Variants in EVA1A observed in about 807,000 individuals in gnomAD.
EVA1A encodes eva-1 homolog A, regulator of programmed cell death.
Under a neutral mutation model 9.8 loss-of-function variants are expected in EVA1A, and 7 were observed. That is an observed-to-expected ratio of 0.71 (90% CI 0.41 to 1.34). EVA1A has a LOEUF of 1.34. Among genes scored for constraint, EVA1A ranks in the 40% most tolerant of loss-of-function variants. The probability of loss-of-function intolerance (pLI) is 0.01; values close to 1 mark genes in which losing one functional copy is unlikely to be tolerated. For synonymous variants in EVA1A, 90 were observed against 85.6 expected, an observed-to-expected ratio of 1.05 and a Z score of -0.28; for missense variants, 206 against 205.9, an observed-to-expected ratio of 1.00 and a Z score of 0.00.
At chr2:75,501,438 C>T (rs115001605) in intron 3 of EVA1A, among the ~76,000 whole-genome samples, 2,420 of 152,212 alleles carry the variant, frequency 0.016, 61 homozygotes, top group African/African-American at 0.056. Context: ...TGTGGAAATT[C>T]TCCCCTTAGG....
At chr2:75,522,158 A>T (rs1295207847) in intron 2 of EVA1A, among the ~76,000 whole-genome samples, 1 of 152,242 alleles carries the variant, frequency 6.6e-6, no homozygotes, top group African/African-American at 2.4e-5. Context: ...AAAATTTAAT[A>T]AAAAATTCAT....
At chr2:75,535,954 A>G (rs1337062476) in intron 1 of EVA1A, among the ~76,000 whole-genome samples, 6 of 152,212 alleles carry the variant, frequency 3.9e-5, no homozygotes, top group Admixed American at 3.9e-4. Flanking sequence ...AAAAAAAACC[A>G]TGTCCCAACT....
chr2:75,519,151 G>A (rs1318391941), intron 2 of EVA1A, among the ~76,000 whole-genome samples: 1 of 152,208 alleles, frequency 6.6e-6, no homozygotes, highest in Non-Finnish European at 1.5e-5. Flanking sequence ...CTCAGCAAAG[G>A]CTTTACAGAG....
chr2:75,533,851 G>T (rs941496893), intron 1 of EVA1A, among the ~76,000 whole-genome samples: 1 of 151,004 alleles, frequency 6.6e-6, no homozygotes, highest in African/African-American at 2.4e-5. Context: ...TTGCTCTGTT[G>T]CCCAGGCTGG....
intron 1 of EVA1A, among the ~76,000 whole-genome samples, chr2:75,555,301 A>ATATCTCTCTCTCTC (rs1553421942): frequency 3.5e-5 from 2 of 57,154 alleles, no homozygotes; most frequent in East Asian, 4.7e-4. Flanking sequence ...TCAAAACTCA[A>ATATCTCTCTCTCTC]TCTCTCTCTC....
At chr2:75,523,245 G>A (rs1201891872) in intron 1 of EVA1A, among the ~76,000 whole-genome samples, 2 of 152,158 alleles carry the variant, frequency 1.3e-5, no homozygotes, top group Admixed American at 6.5e-5. Flanking sequence ...ACTATCCTAC[G>A]TTAATTTTAC....
intron 1 of EVA1A, among the ~76,000 whole-genome samples, chr2:75,528,572 T>A (rs1675535105): frequency 6.6e-6 from 1 of 152,178 alleles, no homozygotes. Context: ...ATAACTCCAT[T>A]GGCCTGAGAA....
At chr2:75,494,146 A>G (rs2103761622) in intron 3 of EVA1A, among the ~76,000 whole-genome samples, 1 of 152,056 alleles carries the variant, frequency 6.6e-6, no homozygotes, top group Non-Finnish European at 1.5e-5. Flanking sequence ...TGACCCTTGG[A>G]CAACATGGGT....
At chr2:75,510,363 C>A (rs542627023) in intron 3 of EVA1A, among the ~76,000 whole-genome samples, 28 of 152,176 alleles carry the variant, frequency 1.8e-4, no homozygotes, top group Non-Finnish European at 4.1e-4. Context: ...ATGCCTTGGG[C>A]ATAGCTTAAA....
chr2:75,512,157 A>C (rs1674842121), intron 3 of EVA1A, among the ~76,000 whole-genome samples: 2 of 152,234 alleles, frequency 1.3e-5, no homozygotes, highest in African/African-American at 4.8e-5. Flanking sequence ...CAAATCATTA[A>C]ATTAAAATGA....
intron 1 of EVA1A, among the ~76,000 whole-genome samples, chr2:75,553,548 G>C (rs1268248035): frequency 6.6e-6 from 1 of 152,210 alleles, no homozygotes; most frequent in South Asian, 2.1e-4. Flanking sequence ...CTGGAACTGT[G>C]CCTGGCACAT....
chr2:75,495,434 A>T (rs138739140), intron 3 of EVA1A, among the ~76,000 whole-genome samples: 7 of 152,288 alleles, frequency 4.6e-5, no homozygotes, highest in African/African-American at 1.7e-4. Flanking sequence ...TCTCCCTTAT[A>T]TGGCAAGTCA....
chr2:75,524,839 G>T (rs890299622), intron 1 of EVA1A, among the ~76,000 whole-genome samples: 1 of 152,110 alleles, frequency 6.6e-6, no homozygotes, highest in Admixed American at 6.5e-5. Flanking sequence ...ATTAATGAAT[G>T]ATTCTTCTTT....
intron 1 of EVA1A, among the ~76,000 whole-genome samples, chr2:75,557,751 T>A (rs917735358): frequency 6.6e-6 from 1 of 152,228 alleles, no homozygotes; most frequent in Non-Finnish European, 1.5e-5. Context: ...TCAAGATCAG[T>A]GGTGCTAGGA....
rs566257612 is a variant in EVA1A at position 75,529,351 on chromosome 2, G to A, written c.-191-6864C>T. 7.2e-5 allele frequency among the ~76,000 whole-genome samples: 11 copies of A among 152,274 alleles called. No homozygotes were observed. In the South Asian group the frequency reaches 1.2e-3, roughly 17 times the overall value. ...ACTAGACAGGTCATCAAGACAGAATGTCAACAAAGAAACAATGTGCTTAAA... is the reference window on the plus strand; with the variant it reads ...ACTAGACAGGTCATCAAGACAGAATATCAACAAAGAAACAATGTGCTTAAA... On this transcript the variant is annotated intron_variant, in intron 1 of 3. Coordinates refer to ENST00000393913, the MANE Select transcript of EVA1A (RefSeq NM_001135032.2).
At chr2:75,520,635 A>T (rs1387278261) in intron 2 of EVA1A, among the ~76,000 whole-genome samples, 1 of 152,190 alleles carries the variant, frequency 6.6e-6, no homozygotes, top group Non-Finnish European at 1.5e-5. Context: ...GAAAAACTGG[A>T]TGTCCACGTG....
intron 1 of EVA1A, among the ~76,000 whole-genome samples, chr2:75,554,893 T>C (rs1194030956): frequency 6.6e-6 from 1 of 152,206 alleles, no homozygotes; most frequent in Non-Finnish European, 1.5e-5. Flanking sequence ...TTCTCTGTCA[T>C]GGCACTAATC....
chr2:75,554,916 T>C (rs894068901), intron 1 of EVA1A, among the ~76,000 whole-genome samples: 1 of 152,192 alleles, frequency 6.6e-6, no homozygotes, highest in African/African-American at 2.4e-5. Flanking sequence ...CCACACTGTG[T>C]TGTCTGTTTT....
Position 75,502,653 on chromosome 2 carries a change from T to TGATA in EVA1A, c.86-9048_86-9045dup, listed in dbSNP as rs375965081. Among the ~76,000 whole-genome samples the TGATA allele has an allele frequency of 8.3e-4, 127 of 152,264 alleles. 2 individuals carry two copies. Among genetic ancestry groups the TGATA allele is most frequent in the African/African-American group, 2.9e-3 (122 of 41,550 alleles). On this transcript the variant is annotated intron_variant, in intron 3 of 3. Coordinates refer to ENST00000393913, the MANE Select transcript of EVA1A (RefSeq NM_001135032.2). ...AAGAGGGAGGAAGACATTAGATAGA[T>TGATA]GATAGATACATACATACATAGAGTG...
Sources: allele counts gnomAD v4.1 joint callset (sites outside exome capture counted in the v4.1 genomes callset), GRCh38; gene constraint gnomAD v4.1.1; transcripts MANE v1.5; gene names NCBI Gene and HGNC (gene_info 2026-07-23, HGNC 2026-07-21).